The following LHCGR variants were observed in gnomAD, a reference collection of about 807,000 sequenced individuals.
LHCGR encodes the protein lutropin-choriogonadotropic hormone receptor.
Under a neutral mutation model 60.7 loss-of-function variants are expected in LHCGR, and 55 were observed. The ratio of observed to expected loss-of-function variants is 0.91; its 90% CI spans 0.73 to 1.13. The LOEUF (loss-of-function observed/expected upper bound fraction) is 1.13. Among genes scored for constraint, LHCGR ranks in the 50% most tolerant of loss-of-function variants. The pLI is 0.00. For synonymous variants in LHCGR, 337 were observed against 316.5 expected (o/e 1.06, Z -0.69); for missense variants, 862 against 836.0 (o/e 1.03, Z -0.38).
intron 1 of LHCGR, among the ~76,000 whole-genome samples, chr2:48,743,891 A>G (rs1226652822): frequency 6.6e-6 from 1 of 151,944 alleles, no homozygotes; most frequent in East Asian, 1.9e-4. Context: ...TTAGGAAAAG[A>G]GGAAGTCAAA....
In LHCGR at chr2:48,687,802, A is replaced by C; in HGVS notation, c.1995T>G (p.Asn665Lys). The stretch of plus-strand genomic sequence containing the variant: ...AAGGCTTATTTGATCCAGTGAAGCC[A>C]TTTTTGCAGTTGGAGGTGTAAGCTG... The part of the protein sequence containing the change: ...DFSAYTSNCK[N>K]GFTGSNKPSQ... Residue 665 changes from asparagine (N) to lysine (K), a missense_variant, in exon 11 of 11, where the codon AAT (asparagine) becomes AAG (lysine). Transcript: ENST00000294954. 6.2e-7 allele frequency: 1 copy of C among 1,614,202 alleles called. No homozygotes were observed. The highest frequency in any genetic ancestry group is 8.5e-7 in the Non-Finnish European group (1 of 1,180,022).
intron 9 of LHCGR, among the ~76,000 whole-genome samples, chr2:48,697,776 C>A (rs1667195559): frequency 6.6e-6 from 1 of 151,710 alleles, no homozygotes; most frequent in Non-Finnish European, 1.5e-5. Context: ...GTTGTGTGAC[C>A]CATTGGTGGG....
rs141692397 is a variant in LHCGR, at chr2:48,723,316, C to T, written c.536+140G>A. 6.4e-3 allele frequency: 4,630 copies of T among 724,320 alleles called. 32 individuals are homozygous for T. Among genetic ancestry groups the T allele is most frequent in the Non-Finnish European group, 7.4e-3 (2,950 of 396,362 alleles). 44.9% of individuals were successfully genotyped at this position (724,320 alleles called of 1,614,324 possible). ...AGCTGTGATCTTACACAACTCCCTT[C>T]ACCCTTAGCATTTTAGGTTAAGAAG... On this transcript the variant is annotated intron_variant, in intron 6 of 10. Transcript: ENST00000294954.
chr2:48,710,460 T>C (rs1667923767), intron 7 of LHCGR, among the ~76,000 whole-genome samples: 1 of 152,216 alleles, frequency 6.6e-6, no homozygotes, highest in South Asian at 2.1e-4. Flanking sequence ...TCACACGTTT[T>C]ATTAAAACTC....
chr2:48,746,182 G>A (rs960249171), intron 1 of LHCGR, among the ~76,000 whole-genome samples: 1 of 152,162 alleles, frequency 6.6e-6, no homozygotes, highest in Non-Finnish European at 1.5e-5. Context: ...TACATTTTAT[G>A]ACATCTCTAT....
rs192376468 is a variant in LHCGR at position 48,720,452 on chromosome 2, A to G, written c.536+3004T>C. On this transcript the variant is annotated intron_variant, in intron 6 of 10. Coordinates refer to ENST00000294954, the MANE Select transcript of LHCGR (RefSeq NM_000233.4). ...TTGAAGGGAGTCATGGATATTTGTGATCTTTGAATAAAGCCTACTCTATTG... is the reference window on the plus strand; with the variant it reads ...TTGAAGGGAGTCATGGATATTTGTGGTCTTTGAATAAAGCCTACTCTATTG... 5 of 152,258 alleles carry G rather than the reference A, an allele frequency of 3.3e-5. No homozygotes were observed. In the East Asian group the frequency reaches 9.6e-4, roughly 29 times the overall value. The allele number at this position is 152,258 out of a possible 1,614,324, so 9.4% of individuals were successfully genotyped here.
At chr2:48,713,550 G>C (rs997018189) in intron 7 of LHCGR, among the ~76,000 whole-genome samples, 2 of 152,156 alleles carry the variant, frequency 1.3e-5, no homozygotes, top group Non-Finnish European at 2.9e-5. Flanking sequence ...TCCCACACTA[G>C]CAGTACAGAG....
chr2:48,701,786 A>C (rs1667424133), intron 8 of LHCGR, among the ~76,000 whole-genome samples: 1 of 152,252 alleles, frequency 6.6e-6, no homozygotes, highest in South Asian at 2.1e-4. Context: ...AGTGACTACC[A>C]CATAGTATGG....
chr2:48,706,944 G>A (rs1016921136), intron 8 of LHCGR, among the ~76,000 whole-genome samples: 1 of 152,196 alleles, frequency 6.6e-6, no homozygotes, highest in Non-Finnish European at 1.5e-5. Context: ...CTGGTGAGGA[G>A]TGGTGATCCT....
intron 2 of LHCGR, among the ~76,000 whole-genome samples, chr2:48,729,826 C>G (rs1668908453): frequency 6.6e-6 from 1 of 152,126 alleles, no homozygotes. Context: ...TGTGAGCAAA[C>G]TGAGGACAAA....
intron 8 of LHCGR, among the ~76,000 whole-genome samples, chr2:48,703,824 C>T (rs1667526723): frequency 6.6e-6 from 1 of 152,166 alleles, no homozygotes; most frequent in Non-Finnish European, 1.5e-5. Flanking sequence ...ACAATGATGT[C>T]ATCTGCAAAC....
At chr2:48,697,352 T>C (rs1667166722) in intron 9 of LHCGR, among the ~76,000 whole-genome samples, 1 of 152,232 alleles carries the variant, frequency 6.6e-6, no homozygotes, top group Non-Finnish European at 1.5e-5. Flanking sequence ...TTCTCAGATC[T>C]GTCATAACAT....
chr2:48,753,730 A>G (rs935470285), intron 1 of LHCGR, among the ~76,000 whole-genome samples: 5 of 152,152 alleles, frequency 3.3e-5, no homozygotes, highest in Non-Finnish European at 5.9e-5. Context: ...TGAATTGAAA[A>G]GGAACTGGGA....
At chr2:48,703,753 G>C (rs181784562) in intron 8 of LHCGR, among the ~76,000 whole-genome samples, 12 of 152,274 alleles carry the variant, frequency 7.9e-5, no homozygotes, top group African/African-American at 2.6e-4. Flanking sequence ...CCAAGACTTC[G>C]CTGAAGTTGC....
chr2:48,753,805 A>AGTGTGT (rs70946826), intron 1 of LHCGR, among the ~76,000 whole-genome samples: 56,786 of 149,766 alleles, frequency 0.38, 11,357 homozygotes, highest in Middle Eastern at 0.48. Context: ...GGAGAAACTG[A>AGTGTGT]GTGTGTGTGT....
At chr2:48,740,974 A>G (rs560138106) in intron 1 of LHCGR, among the ~76,000 whole-genome samples, 11 of 152,348 alleles carry the variant, frequency 7.2e-5, no homozygotes. Flanking sequence ...AACTAGAATA[A>G]CCGATACAGA....
intron 8 of LHCGR, among the ~76,000 whole-genome samples, chr2:48,702,966 A>C (rs1334534909): frequency 6.6e-6 from 1 of 152,180 alleles, no homozygotes; most frequent in Non-Finnish European, 1.5e-5. Flanking sequence ...TTGCCATTCT[A>C]ACTGGCATGA....
At chr2:48,729,537 G>GA (rs1668896142) in intron 2 of LHCGR, among the ~76,000 whole-genome samples, 1 of 152,144 alleles carries the variant, frequency 6.6e-6, no homozygotes, top group South Asian at 2.1e-4. Context: ...GGCCCTTTGA[G>GA]AAAATCTAGT....
rs755168389 is a variant in LHCGR at position 48,729,231 on chromosome 2, G to A, written c.234-4C>T. On this transcript the variant is annotated splice_region_variant and splice_polypyrimidine_tract_variant and intron_variant, in intron 2 of 10. Transcript: ENST00000294954. The stretch of plus-strand genomic sequence containing the variant: ...GGAATCAATCTGAGAGATTTCACTA[G>A]GGAAGAGAGGAGGGGGAAAAAGAGA... The A allele has an allele frequency of 6.3e-7, 1 of 1,598,558 alleles. No individual in the cohort carries two copies. The highest frequency in any genetic ancestry group is 2.2e-5 in the East Asian group (1 of 44,818).
Sources: gnomAD v4.1 joint callset for allele counts (sites outside exome capture counted in the v4.1 genomes callset) on GRCh38, gnomAD v4.1.1 for gene constraint, MANE v1.5 for transcripts, NCBI Gene and HGNC (gene_info 2026-07-23, HGNC 2026-07-21) for gene names.